The following ANKRD11 variants were observed in gnomAD, a reference collection of about 807,000 sequenced individuals.
The protein encoded by ANKRD11 is ankyrin repeat domain-containing protein 11.
ANKRD11 carries 17 observed loss-of-function variants against 195.7 expected under a neutral mutation model. The ratio of observed to expected loss-of-function variants is 0.09; its 90% CI spans 0.06 to 0.13. The LOEUF is 0.13. Ranked by LOEUF, ANKRD11 falls within the 10% of genes least tolerant of loss-of-function variation. The pLI, the probability that ANKRD11 is intolerant of heterozygous loss-of-function variation, is 1.00. For synonymous variants in ANKRD11, 1,953 were observed against 1,528.1 expected (o/e 1.28, Z -6.49); for missense variants, 3,735 against 3,566.1 (o/e 1.05, Z -1.21).
rs1397018515 is a variant in ANKRD11 at position 89,268,286 on chromosome 16, A to G, written c.*192T>C. On this transcript the variant is annotated 3_prime_UTR_variant, in exon 13 of 13. Coordinates refer to ENST00000301030, the MANE Select transcript of ANKRD11 (RefSeq NM_013275.6). The stretch of plus-strand genomic sequence containing the variant: ...CCCCCGCCGCGGCAGCTGGTAGAGA[A>G]GAGACGTGTTTCACCTCCCCGACGT... 1 of 344,796 alleles carries G rather than the reference A, an allele frequency of 2.9e-6. No homozygotes were observed. The allele number at this position is 344,796 out of a possible 1,614,324, so 21.4% of individuals were successfully genotyped here.
intron 1 of ANKRD11, among the ~76,000 whole-genome samples, chr16:89,467,354 A>G (rs1437341361): frequency 2.0e-5 from 3 of 152,038 alleles, no homozygotes; most frequent in Admixed American, 6.6e-5. Context: ...AGGTGGGAAA[A>G]CTGCCTGAGC....
rs1415129056 is a variant in ANKRD11 at position 89,284,983 on chromosome 16, G to A, written c.1559C>T (p.Ala520Val). 15 of 1,614,070 alleles carry A rather than the reference G, an allele frequency of 9.3e-6. No homozygotes were observed. The highest frequency in any genetic ancestry group is 1.3e-5 in the Non-Finnish European group (15 of 1,179,994). Residue 520 changes from alanine to valine, a missense_variant, in exon 9 of 13, where the codon GCC becomes GTC. Physicochemically the swap from Ala to Val is moderately conservative, Grantham distance 64. Transcript: ENST00000301030. ...KDPSLFSSLS[A>V]SSTSSHGSSA... is the part of the protein sequence containing the mutation. ...GCTCCCGTGAGACGAGGTGGAGGAGGCAGAGAGGGAGCTGAACAGGGAGGG... is the reference window on the plus strand; with the variant it reads ...GCTCCCGTGAGACGAGGTGGAGGAGACAGAGAGGGAGCTGAACAGGGAGGG...
intron 2 of ANKRD11, among the ~76,000 whole-genome samples, chr16:89,397,535 C>A (rs1030302306): frequency 6.6e-6 from 1 of 152,196 alleles, no homozygotes; most frequent in African/African-American, 2.4e-5. Context: ...TCGTCCCTGA[C>A]GGGGAAGGGT....
At chr16:89,478,892 C>T (rs1411797572) in intron 1 of ANKRD11, among the ~76,000 whole-genome samples, 1 of 152,210 alleles carries the variant, frequency 6.6e-6, no homozygotes, top group Non-Finnish European at 1.5e-5. Flanking sequence ...CTGAACTGAG[C>T]TGTCCTCACT....
intron 1 of ANKRD11, among the ~76,000 whole-genome samples, chr16:89,479,211 T>C (rs920163984): frequency 6.6e-6 from 1 of 151,006 alleles, no homozygotes; most frequent in African/African-American, 2.4e-5. Context: ...GCAACATCAC[T>C]AGAAAAACAT....
At chr16:89,277,300 C>T (rs547584414) in intron 9 of ANKRD11, among the ~76,000 whole-genome samples, 2 of 152,288 alleles carry the variant, frequency 1.3e-5, no homozygotes, top group East Asian at 1.9e-4. Flanking sequence ...GCCCCAGGGC[C>T]GGCAGCTACA....
chr16:89,373,517 T>G (rs1414992066), intron 2 of ANKRD11: 3 of 152,288 alleles, frequency 2.0e-5, no homozygotes, highest in Non-Finnish European at 4.4e-5. Flanking sequence ...CCAGTTCTGC[T>G]GAGTGGACGG....
chr16:89,486,560 T>C (rs1437723736), intron 1 of ANKRD11, among the ~76,000 whole-genome samples: 1 of 151,918 alleles, frequency 6.6e-6, no homozygotes, highest in Admixed American at 6.6e-5. Flanking sequence ...CAGCGAGGTA[T>C]GTCGAGGCCA....
rs80169733 is a variant in ANKRD11 at position 89,275,980 on chromosome 16, G to A, written c.7471-789C>T. 5.5e-4 allele frequency among the ~76,000 whole-genome samples: 84 copies of A among 152,332 alleles called. 1 individual carries two copies. In the East Asian group the frequency reaches 0.014, roughly 26 times the overall value. On this transcript the variant is annotated intron_variant, in intron 9 of 12. Transcript: ENST00000301030. Reference sequence around the variant, plus strand: ...TTTCCAAAGCAGACCCAGAAAGCATGGCCGTGTGCTCGGGGCCACAGCAGT... The same window carrying A: ...TTTCCAAAGCAGACCCAGAAAGCATAGCCGTGTGCTCGGGGCCACAGCAGT...
intron 1 of ANKRD11, among the ~76,000 whole-genome samples, chr16:89,455,586 T>C (rs2056398485): frequency 6.6e-6 from 1 of 151,982 alleles, no homozygotes; most frequent in South Asian, 2.1e-4. Flanking sequence ...CTGTGGAGTC[T>C]AATAAAAAAC....
intron 2 of ANKRD11, among the ~76,000 whole-genome samples, chr16:89,417,717 A>G (rs1291752915): frequency 2.6e-5 from 4 of 152,186 alleles, no homozygotes; most frequent in Non-Finnish European, 2.9e-5. Flanking sequence ...CAGGAACCTA[A>G]CAAGAGCACA....
At chr16:89,355,194 G>T (rs1478288684) in intron 2 of ANKRD11, among the ~76,000 whole-genome samples, 2 of 152,156 alleles carry the variant, frequency 1.3e-5, no homozygotes, top group Non-Finnish European at 2.9e-5. Flanking sequence ...ACCTATGCTG[G>T]TGATGCTCGG....
chr16:89,327,186 G>A (rs957301113), intron 2 of ANKRD11, among the ~76,000 whole-genome samples: 4 of 152,174 alleles, frequency 2.6e-5, no homozygotes, highest in Non-Finnish European at 5.9e-5. Flanking sequence ...ATCAGTCAAC[G>A]TCACCCAGCA....
At chr16:89,480,412 G>A (rs2057406555) in intron 1 of ANKRD11, among the ~76,000 whole-genome samples, 1 of 151,372 alleles carries the variant, frequency 6.6e-6, no homozygotes, top group East Asian at 1.9e-4. Context: ...AGGAGGCGGA[G>A]GTTGCAGTGA....
intron 2 of ANKRD11, among the ~76,000 whole-genome samples, chr16:89,339,097 C>G (rs751980908): frequency 6.6e-6 from 1 of 152,138 alleles, no homozygotes; most frequent in Admixed American, 6.5e-5. Context: ...GATGGGTGAG[C>G]GTTGCACCCC....
chr16:89,278,550 G>A (rs766951479), intron 9 of ANKRD11: 4 of 456,874 alleles, frequency 8.8e-6, no homozygotes, highest in Non-Finnish European at 1.8e-5. Flanking sequence ...AACAAGGTGA[G>A]GCTGGGGGCC....
Position 89,420,100 on chromosome 16 carries a change from C to T in ANKRD11, c.-144-1732G>A, listed in dbSNP as rs970062634. The stretch of plus-strand genomic sequence containing the variant: ...TGCACAGCAGCCTCAATCCATCAAT[C>T]AATAAAAATAAATGTGAATACGCAG... On this transcript the variant is annotated intron_variant, in intron 1 of 12. Coordinates refer to ENST00000301030, the MANE Select transcript of ANKRD11 (RefSeq NM_013275.6). 2.0e-5 allele frequency: 3 copies of T among 152,326 alleles called. No homozygotes were observed. In the South Asian group the frequency reaches 6.2e-4, roughly 32 times the overall value. 9.4% of individuals were successfully genotyped at this position (152,326 alleles called of 1,614,324 possible).
At chr16:89,470,673 G>A (rs1270174380) in intron 1 of ANKRD11, among the ~76,000 whole-genome samples, 1 of 152,012 alleles carries the variant, frequency 6.6e-6, no homozygotes, top group African/African-American at 2.4e-5. Context: ...GCGAAACCCA[G>A]TCTCTACTAA....
At chr16:89,303,807 G>A (rs2035990997) in intron 4 of ANKRD11, among the ~76,000 whole-genome samples, 1 of 152,218 alleles carries the variant, frequency 6.6e-6, no homozygotes. Flanking sequence ...AAAAGCTGGG[G>A]TGTGGATCCT....
Sources: allele counts gnomAD v4.1 joint callset (sites outside exome capture counted in the v4.1 genomes callset), GRCh38; gene constraint gnomAD v4.1.1; transcripts MANE v1.5; gene names NCBI Gene and HGNC (gene_info 2026-07-23, HGNC 2026-07-21).